PTPN5: variants seen among roughly 807,000 people sequenced by gnomAD.
PTPN5 encodes the protein tyrosine-protein phosphatase non-receptor type 5.
PTPN5 carries 29 observed loss-of-function variants against 73.9 expected under a neutral mutation model. The observed-to-expected ratio is 0.39, with a 90% confidence interval of 0.29 to 0.54. PTPN5 has a LOEUF of 0.54. Among genes scored for constraint, PTPN5 ranks in the 20% least tolerant of loss-of-function variants. The pLI is 0.65. For synonymous variants in PTPN5, 267 were observed against 304.7 expected, an observed-to-expected ratio of 0.88 and a Z score of 1.29; for missense variants, 652 against 751.4, an observed-to-expected ratio of 0.87 and a Z score of 1.55.
chr11:18,739,292 T>C (rs1024276819), intron 8 of PTPN5, among the ~76,000 whole-genome samples: 1 of 152,180 alleles, frequency 6.6e-6, no homozygotes, highest in Non-Finnish European at 1.5e-5. Context: ...AGGTAGAGGA[T>C]GTGATTCTTT....
chr11:18,744,524 A>C (rs2134231231), intron 3 of PTPN5, among the ~76,000 whole-genome samples: 1 of 151,606 alleles, frequency 6.6e-6, no homozygotes, highest in Non-Finnish European at 1.5e-5. Context: ...AACCACCTCA[A>C]ACTCAATTAA....
intron 1 of PTPN5, among the ~76,000 whole-genome samples, chr11:18,789,472 G>A (rs1328998859): frequency 6.6e-6 from 1 of 152,160 alleles, no homozygotes; most frequent in East Asian, 1.9e-4. Flanking sequence ...TCTCAAGGCA[G>A]AAATCCCTAC....
intron 3 of PTPN5, among the ~76,000 whole-genome samples, chr11:18,761,975 G>A (rs538545772): frequency 4.6e-5 from 7 of 152,296 alleles, no homozygotes; most frequent in East Asian, 1.9e-4. Context: ...CATGTGCATC[G>A]GGGAGCATGT....
At position 18,775,980 on chromosome 11, in the gene PTPN5, T is replaced by C. The variant is rs79414636; in HGVS notation, c.-113-3909A>G. Reference sequence around the variant, plus strand: ...TCCAGGTTCAGCTGTGATTTGATGCTGTGGATGGTCCTACCTGATTATAAA... The same window carrying C: ...TCCAGGTTCAGCTGTGATTTGATGCCGTGGATGGTCCTACCTGATTATAAA... On this transcript the variant is annotated intron_variant, in intron 1 of 14. Coordinates refer to ENST00000358540, the MANE Select transcript of PTPN5 (RefSeq NM_006906.2). Among the ~76,000 whole-genome samples, 1,283 of 152,310 alleles carry C rather than the reference T, an allele frequency of 8.4e-3. 13 individuals are homozygous for C. The highest frequency in any genetic ancestry group is 0.024 in the Middle Eastern group (7 of 294).
chr11:18,729,425 G>T lies in PTPN5; in HGVS notation c.1604+28C>A. 1 of 1,095,282 alleles carries T rather than the reference G, an allele frequency of 9.1e-7. No individual in the cohort carries two copies. The highest frequency in any genetic ancestry group is 1.4e-6 in the Non-Finnish European group (1 of 713,576). 67.8% of individuals were successfully genotyped at this position (1,095,282 alleles called of 1,614,324 possible). Reference sequence around the variant, plus strand: ...CCGCTCGGGGCTCTAGCTCCCTTGTGTGTCCCCACTCCCGCCCGTGGGCTG... The same window carrying T: ...CCGCTCGGGGCTCTAGCTCCCTTGTTTGTCCCCACTCCCGCCCGTGGGCTG... On this transcript the variant is annotated intron_variant, in intron 14 of 14. Transcript: ENST00000358540. The surrounding 1 kb of genome is among the most constrained non-coding windows in gnomAD (Gnocchi z 5.2).
chr11:18,749,542 T>C (rs1465593573), intron 3 of PTPN5: 2 of 518,020 alleles, frequency 3.9e-6, no homozygotes, highest in Non-Finnish European at 7.7e-6. Context: ...GGTGCAGATT[T>C]TGTGCCTGGT....
At chr11:18,734,706 T>A (rs1849040400) in intron 9 of PTPN5, among the ~76,000 whole-genome samples, 1 of 152,172 alleles carries the variant, frequency 6.6e-6, no homozygotes, top group South Asian at 2.1e-4. Context: ...GACTATTCTG[T>A]CAGCCTGCAG....
intron 1 of PTPN5, among the ~76,000 whole-genome samples, chr11:18,791,109 T>C (rs907400524): frequency 1.3e-5 from 2 of 152,178 alleles, no homozygotes; most frequent in South Asian, 4.1e-4. Flanking sequence ...ATGGGAAGGC[T>C]GGGAGCCGCG....
At chr11:18,745,919 T>C (rs1046952307) in intron 3 of PTPN5, among the ~76,000 whole-genome samples, 14 of 151,700 alleles carry the variant, frequency 9.2e-5, no homozygotes, top group African/African-American at 3.4e-4. Flanking sequence ...TTGCCATGGG[T>C]TGTAAAATAA....
intron 1 of PTPN5, among the ~76,000 whole-genome samples, chr11:18,777,390 ACATGAGATG>A (rs1851208106): frequency 6.6e-6 from 1 of 152,192 alleles, no homozygotes; most frequent in Non-Finnish European, 1.5e-5. Flanking sequence ...CAAAGTTTTT[ACATGAGATG>A]CATGGAAAAT....
chr11:18,749,449 G>A (rs1024313180), intron 3 of PTPN5: 6 of 514,438 alleles, frequency 1.2e-5, no homozygotes, highest in South Asian at 8.4e-5. Context: ...GGTCACTGCA[G>A]CAAGGCAGGG....
chr11:18,771,827 T>C, intron 2 of PTPN5, 112 bp downstream of exon 2: 1 of 861,790 alleles, frequency 1.2e-6, no homozygotes, highest in East Asian at 2.7e-5. Context: ...AAAGGAATGA[T>C]CAGGCTGAAC....
At chr11:18,734,441 C>T (rs960798230) in intron 9 of PTPN5, among the ~76,000 whole-genome samples, 3 of 152,228 alleles carry the variant, frequency 2.0e-5, no homozygotes, top group Non-Finnish European at 4.4e-5. Context: ...CTTCAACCCC[C>T]TGAGTAAGCA....
At chr11:18,786,428 T>A (rs559449502) in intron 1 of PTPN5, among the ~76,000 whole-genome samples, 3 of 152,226 alleles carry the variant, frequency 2.0e-5, no homozygotes, top group African/African-American at 7.2e-5. Context: ...AGTCTCGATC[T>A]CCTGACCTCA....
At chr11:18,730,050 C>A in intron 12 of PTPN5, 1 of 590,452 alleles carries the variant, frequency 1.7e-6, no homozygotes, top group South Asian at 2.0e-5. Flanking sequence ...TGCCTTTGGT[C>A]CTGCCCCAAC....
intron 2 of PTPN5, among the ~76,000 whole-genome samples, chr11:18,771,009 A>G (rs1224853767): frequency 6.6e-6 from 1 of 152,110 alleles, no homozygotes; most frequent in Non-Finnish European, 1.5e-5. Context: ...TTTGCCCAGG[A>G]CTTATGCAGA....
Position 18,733,166 on chromosome 11 carries a change from T to C in PTPN5, c.1218+69A>G. 1.3e-6 allele frequency: 2 copies of C among 1,566,494 alleles called. No homozygotes were observed. The highest frequency in any genetic ancestry group is 8.7e-7 in the Non-Finnish European group (1 of 1,149,768). On this transcript the variant is annotated intron_variant, in intron 11 of 14. Transcript: ENST00000358540. This position sits in a 1 kb window ranked among gnomAD's most constrained non-coding sequence, Gnocchi z 4.3. ...CTCTTGAGATTGTCATAAAGATTAA[T>C]TTGAGAACAAGATACTTAGTGTAGG...
intron 3 of PTPN5, among the ~76,000 whole-genome samples, chr11:18,747,448 G>A (rs1849692927): frequency 6.6e-6 from 1 of 152,146 alleles, no homozygotes; most frequent in Non-Finnish European, 1.5e-5. Context: ...ACCGCGCCTG[G>A]CCTGTATTAA....
At chr11:18,784,168 GTA>G (rs1433857562) in intron 1 of PTPN5, among the ~76,000 whole-genome samples, 1 of 152,128 alleles carries the variant, frequency 6.6e-6, no homozygotes, top group Non-Finnish European at 1.5e-5. Context: ...CCACTGCGAG[GTA>G]TATACCCCAA....
Sources: gnomAD v4.1 joint callset for allele counts (sites outside exome capture counted in the v4.1 genomes callset) on GRCh38, gnomAD v4.1.1 for gene constraint, Gnocchi (gnomAD v3.1) non-coding constraint, MANE v1.5 for transcripts, NCBI Gene and HGNC (gene_info 2026-07-23, HGNC 2026-07-21) for gene names.